Variants in CFAP52 observed in about 807,000 individuals in gnomAD.
CFAP52 encodes the protein cilia- and flagella-associated protein 52.
A neutral mutation model predicts 70.5 loss-of-function variants in CFAP52; 57 were observed. That is an observed-to-expected ratio of 0.81 (90% CI 0.65 to 1.01). The LOEUF is 1.01. CFAP52 is among the 50% of genes least tolerant of loss of function. The probability of loss-of-function intolerance (pLI) is 0.00; values close to 1 mark genes in which losing one functional copy is unlikely to be tolerated. For synonymous variants in CFAP52, 267 were observed against 292.5 expected (o/e 0.91, Z 0.89); for missense variants, 785 against 788.5 (o/e 1.00, Z 0.05).
chr17:9,614,753 A>T (rs972963663), intron 8 of CFAP52, among the ~76,000 whole-genome samples: 6 of 152,244 alleles, frequency 3.9e-5, no homozygotes, highest in African/African-American at 1.4e-4. Flanking sequence ...GTTTGGCAGC[A>T]TTCCTGGGCT....
At chr17:9,589,655 C>T (rs1908652161) in intron 3 of CFAP52, among the ~76,000 whole-genome samples, 1 of 151,624 alleles carries the variant, frequency 6.6e-6, no homozygotes, top group Non-Finnish European at 1.5e-5. Context: ...ATTGCTTGAA[C>T]CTGGGAGGCG....
chr17:9,629,499 TC>T (rs112312923), intron 9 of CFAP52, among the ~76,000 whole-genome samples: 2,692 of 141,552 alleles, frequency 0.019, 88 homozygotes, highest in African/African-American at 0.076. Context: ...TTCTTTCTTT[TC>T]TTTTCTTTCT....
chr17:9,633,098 T>C, intron 10 of CFAP52, 65 bp downstream of exon 10: 1 of 1,531,502 alleles, frequency 6.5e-7, no homozygotes, highest in Non-Finnish European at 8.8e-7. Context: ...TAGGAAGCCA[T>C]CTATTTGCTT....
intron 8 of CFAP52, among the ~76,000 whole-genome samples, chr17:9,627,937 C>T (rs1910300684): frequency 6.6e-6 from 1 of 152,096 alleles, no homozygotes; most frequent in African/African-American, 2.4e-5. Flanking sequence ...CTATGTTGCC[C>T]AGGCTGGTCT....
intron 8 of CFAP52, among the ~76,000 whole-genome samples, chr17:9,627,023 A>T (rs1886232635): frequency 6.6e-6 from 1 of 152,008 alleles, no homozygotes; most frequent in East Asian, 1.9e-4. Context: ...TCTTTATTGT[A>T]CCCCAATATT....
chr17:9,579,011 G>A (rs996670091), intron 1 of CFAP52, among the ~76,000 whole-genome samples: 3 of 152,242 alleles, frequency 2.0e-5, no homozygotes, highest in East Asian at 1.9e-4. Flanking sequence ...CTCCCATTCC[G>A]TCAAGGCTGG....
intron 4 of CFAP52, chr17:9,597,751 A>C: frequency 6.5e-6 from 1 of 153,706 alleles, no homozygotes; most frequent in Non-Finnish European, 1.4e-5. Context: ...TGCAGTGAGC[A>C]GAGATTGCGC....
intron 1 of CFAP52, chr17:9,584,295 GC>G (rs1908348113): frequency 7.8e-7 from 1 of 1,288,202 alleles, no homozygotes; most frequent in Non-Finnish European, 1.0e-6. Flanking sequence ...TGTTACCTTG[GC>G]AGATATTTGG....
chr17:9,613,993 T>TA (rs905643333), intron 8 of CFAP52, among the ~76,000 whole-genome samples: 1 of 152,186 alleles, frequency 6.6e-6, no homozygotes, highest in African/African-American at 2.4e-5. Context: ...TCTTTTTTTT[T>TA]AATAAGCACT....
chr17:9,640,687 G>A (rs1478875403), intron 12 of CFAP52, among the ~76,000 whole-genome samples: 1 of 152,044 alleles, frequency 6.6e-6, no homozygotes, highest in Non-Finnish European at 1.5e-5. Flanking sequence ...AGGCTGGAGT[G>A]CAGTGGCATA....
chr17:9,629,547 CTT>C (rs758263833), intron 9 of CFAP52, among the ~76,000 whole-genome samples: 11 of 126,812 alleles, frequency 8.7e-5, no homozygotes, highest in African/African-American at 2.3e-4. Flanking sequence ...TGCTTGCTTG[CTT>C]TTTTTTTTTT....
chr17:9,585,669 TCA>T (rs371551896), intron 1 of CFAP52, 102 bp from the exon 2 acceptor site: 14,452 of 959,118 alleles, frequency 0.015, no homozygotes, highest in Non-Finnish European at 0.016. Context: ...CAAGACTCTG[TCA>T]CACACACACA....
chr17:9,595,546 T>C (rs570600888), intron 4 of CFAP52, among the ~76,000 whole-genome samples: 7 of 152,288 alleles, frequency 4.6e-5, no homozygotes, highest in African/African-American at 1.7e-4. Flanking sequence ...CAGGGTTTTA[T>C]AGGGTTCTTT....
downstream of CFAP52, among the ~76,000 whole-genome samples, chr17:9,644,267 G>A (rs1233467486): frequency 6.6e-6 from 1 of 152,156 alleles, no homozygotes; most frequent in Non-Finnish European, 1.5e-5. Flanking sequence ...CACCACGCCT[G>A]GCTAATTTTG....
chr17:9,626,187 T>A (rs921570701), intron 8 of CFAP52, among the ~76,000 whole-genome samples: 5 of 152,214 alleles, frequency 3.3e-5, no homozygotes, highest in African/African-American at 1.2e-4. Flanking sequence ...TAGGCTTGAC[T>A]GCCAAGGAAG....
chr17:9,625,656 A>G (rs183346358), intron 8 of CFAP52, among the ~76,000 whole-genome samples: 1 of 152,208 alleles, frequency 6.6e-6, no homozygotes, highest in African/African-American at 2.4e-5. Context: ...AGGCTCCCAC[A>G]TGTGAGAAAG....
chr17:9,630,552 C>G (rs926252608), intron 9 of CFAP52, among the ~76,000 whole-genome samples: 34 of 149,788 alleles, frequency 2.3e-4, no homozygotes, highest in Non-Finnish European at 4.1e-4. Flanking sequence ...GCCTCAGCCT[C>G]CCGAGTAGCT....
intron 9 of CFAP52, among the ~76,000 whole-genome samples, chr17:9,629,031 C>G (rs1459406656): frequency 6.6e-6 from 1 of 152,138 alleles, no homozygotes; most frequent in Non-Finnish European, 1.5e-5. Flanking sequence ...AATTTCTCCT[C>G]TCCCACATTG....
chr17:9,601,621 G>A (rs80196528), intron 6 of CFAP52, among the ~76,000 whole-genome samples: 369 of 152,196 alleles, frequency 2.4e-3, no homozygotes, highest in Middle Eastern at 6.8e-3. Context: ...ATTATAAGTC[G>A]TGAGCAAGAC....
Sources: gnomAD v4.1 joint callset for allele counts (sites outside exome capture counted in the v4.1 genomes callset) on GRCh38, gnomAD v4.1.1 for gene constraint, MANE v1.5 for transcripts, NCBI Gene and HGNC (gene_info 2026-07-23, HGNC 2026-07-21) for gene names.